The following DEK variants were observed in gnomAD, a reference collection of about 807,000 sequenced individuals.
DEK encodes protein DEK.
A neutral mutation model predicts 46.8 loss-of-function variants in DEK; 28 were observed. The observed-to-expected ratio is 0.60, with a 90% CI of 0.44 to 0.82. DEK has a LOEUF of 0.82. Ranked by LOEUF, DEK falls within the 40% of genes least tolerant of loss-of-function variation. DEK has a pLI of 0.00. For missense variants in DEK, 416 were observed against 430.6 expected, an observed-to-expected ratio of 0.97 and a Z score of 0.30; for synonymous variants, 160 against 144.5, an observed-to-expected ratio of 1.11 and a Z score of -0.77.
rs1288733846 is a variant in DEK, at chr6:18,259,422, A to AT, written c.146-1018_146-1017insA. Among the ~76,000 whole-genome samples, 137 of 140,184 alleles carry AT rather than the reference A, an allele frequency of 9.8e-4. 1 individual carries two copies. The highest frequency in any genetic ancestry group is 2.5e-3 in the South Asian group (11 of 4,432). The allele number at this position is 140,184 out of a possible 152,430, so 92.0% of individuals were successfully genotyped here. On this transcript the variant is annotated intron_variant, in intron 2 of 10. Transcript: ENST00000652689. The stretch of plus-strand genomic sequence containing the variant: ...AAAAAAAAAAAAAAAAAAAAAAAAA[A>AT]AAAAAAAAAAATCTAGAAAACAGGT...
chr6:18,234,454 C>G (rs890814802), intron 9 of DEK, among the ~76,000 whole-genome samples: 2 of 152,162 alleles, frequency 1.3e-5, no homozygotes, highest in Non-Finnish European at 2.9e-5. Flanking sequence ...CTACAGATTG[C>G]TGTGGGAAAA....
rs1790056456 is a variant in DEK at position 18,225,188 on chromosome 6, C to T, written c.*531G>A. The T allele has an allele frequency of 4.4e-6, 1 of 225,710 alleles. No individual in the cohort carries two copies. The highest frequency in any genetic ancestry group is 8.8e-6 in the Non-Finnish European group (1 of 113,394). 14.0% of individuals were successfully genotyped at this position (225,710 alleles called of 1,614,324 possible). A position where few individuals can be genotyped will look rare whatever the true frequency, so the allele number is the denominator to read the frequency against. ...TCATGCTGACAATTTGACATATATA[C>T]ACATGCAGGAGAAAAGTTCCAATTC... On this transcript the variant is annotated 3_prime_UTR_variant, in exon 11 of 11. Transcript: ENST00000652689.
chr6:18,247,717 G>T (rs1791185970), intron 7 of DEK, among the ~76,000 whole-genome samples: 1 of 151,992 alleles, frequency 6.6e-6, no homozygotes, highest in African/African-American at 2.4e-5. Context: ...CGTTGCTCAG[G>T]CTGGAGAACA....
chr6:18,248,979 A>G (rs1285611437), intron 7 of DEK, among the ~76,000 whole-genome samples: 4 of 150,200 alleles, frequency 2.7e-5, no homozygotes, highest in Non-Finnish European at 5.9e-5. Flanking sequence ...CCAAAACATC[A>G]TTAACAATAA....
At chr6:18,255,146 C>G (rs751674610) in intron 6 of DEK, among the ~76,000 whole-genome samples, 1 of 152,190 alleles carries the variant, frequency 6.6e-6, no homozygotes, top group Non-Finnish European at 1.5e-5. Context: ...CTATGTCATT[C>G]GTTACCATTA....
intron 1 of DEK, 90 bp from the exon 2 acceptor site, chr6:18,264,086 C>T (rs1433485418): frequency 4.9e-6 from 6 of 1,215,740 alleles, no homozygotes; most frequent in Non-Finnish European, 6.6e-6. Flanking sequence ...ACCCTTCCCG[C>T]GGGACACCTG....
intron 7 of DEK, among the ~76,000 whole-genome samples, chr6:18,241,655 C>T (rs1203953010): frequency 6.6e-6 from 1 of 152,170 alleles, no homozygotes; most frequent in Non-Finnish European, 1.5e-5. Context: ...ATGAAAAGCA[C>T]ATTTATGGAC....
chr6:18,260,837 C>CA (rs1488318986), intron 2 of DEK, among the ~76,000 whole-genome samples: 2 of 151,538 alleles, frequency 1.3e-5, no homozygotes, highest in East Asian at 1.9e-4. Flanking sequence ...CCTGCCTCTA[C>CA]AAAAAATACA....
intron 2 of DEK, among the ~76,000 whole-genome samples, chr6:18,259,394 C>CAAAAAAAAAAAAAAAAAAAAAAAAAA (rs56704006): frequency 4.8e-5 from 2 of 41,480 alleles, no homozygotes; most frequent in Admixed American, 3.4e-4. Context: ...GACTCCGTCT[C>CAAAAAAAAAAAAAAAAAAAAAAAAAA]AAAAAAAAAA....
At chr6:18,242,022 T>C (rs1193052212) in intron 7 of DEK, among the ~76,000 whole-genome samples, 2 of 152,238 alleles carry the variant, frequency 1.3e-5, no homozygotes, top group Non-Finnish European at 2.9e-5. Flanking sequence ...TTAAAGCTAT[T>C]GCTTAAAATC....
Position 18,225,737 on chromosome 6 carries a change from T to G in DEK, c.1117-7A>C. ...CTCTATCTCAAGAAATTAGCTGTAA[T>G]GAAAGAGAAACATTATTTTGCCATA... is the stretch of plus-strand genomic sequence containing the variant. On this transcript the variant is annotated splice_polypyrimidine_tract_variant and splice_region_variant and intron_variant, in intron 10 of 10. Transcript: ENST00000652689. The G allele has an allele frequency of 6.2e-7, 1 of 1,613,336 alleles. No individual in the cohort carries two copies. The highest frequency in any genetic ancestry group is 8.5e-7 in the Non-Finnish European group (1 of 1,179,632).
chr6:18,250,448 A>AT (rs1204362695), intron 6 of DEK, among the ~76,000 whole-genome samples: 2 of 152,198 alleles, frequency 1.3e-5, no homozygotes, highest in Admixed American at 1.3e-4. Flanking sequence ...CAGCCTGGGC[A>AT]ACAGTGTGAG....
intron 7 of DEK, among the ~76,000 whole-genome samples, chr6:18,245,978 G>A (rs914870706): frequency 6.6e-5 from 10 of 152,246 alleles, no homozygotes; most frequent in African/African-American, 2.2e-4. Context: ...TTGCTGCCGC[G>A]TAAGATGGGT....
intron 7 of DEK, among the ~76,000 whole-genome samples, chr6:18,241,692 G>T (rs537416489): frequency 6.6e-6 from 1 of 152,262 alleles, no homozygotes; most frequent in Admixed American, 6.5e-5. Flanking sequence ...ACTTTTCTTT[G>T]AAGTGCCAGA....
At position 18,236,368 on chromosome 6, in the gene DEK, C is replaced by G. The variant is rs145691250; in HGVS notation, c.1047+84G>C. 4.9e-4 allele frequency: 710 copies of G among 1,435,608 alleles called. 10 individuals are homozygous for G. In the South Asian group the frequency reaches 8.4e-3, roughly 17 times the overall value. 88.9% of individuals were successfully genotyped at this position (1,435,608 alleles called of 1,614,324 possible). A position where few individuals can be genotyped will look rare whatever the true frequency, so the allele number is the denominator to read the frequency against. ...AATCTTTCTTCAATAAGTGAATGCA[C>G]GTAAGTATTTAGCTTCAAATTCAGA... On this transcript the variant is annotated intron_variant, in intron 9 of 10. Transcript: ENST00000652689.
intron 4 of DEK, among the ~76,000 whole-genome samples, chr6:18,257,182 CTTTGTATGAGA>C (rs758714673): frequency 2.4e-4 from 37 of 152,246 alleles, no homozygotes; most frequent in Non-Finnish European, 4.4e-4. Context: ...ACCAAATTCA[CTTTGTATGAGA>C]TTTGTATGAG....
chr6:18,256,273 C>T, intron 5 of DEK, 88 bp downstream of exon 5: 1 of 1,158,400 alleles, frequency 8.6e-7, no homozygotes, highest in Non-Finnish European at 1.2e-6. Flanking sequence ...AGGTGTGAGC[C>T]ACTGTGCCTG....
At chr6:18,263,594 C>T (rs1053205956) in intron 2 of DEK, among the ~76,000 whole-genome samples, 2 of 152,108 alleles carry the variant, frequency 1.3e-5, no homozygotes, top group South Asian at 2.1e-4. Context: ...TTAGAGCGGA[C>T]GAGAAGTCGG....
intron 9 of DEK, among the ~76,000 whole-genome samples, chr6:18,226,741 C>A (rs908768236): frequency 1.3e-5 from 2 of 152,278 alleles, no homozygotes; most frequent in East Asian, 3.9e-4. Flanking sequence ...GTTGGTGGCA[C>A]TGCATTCCAG....
Sources: gnomAD v4.1 joint callset for allele counts (sites outside exome capture counted in the v4.1 genomes callset) on GRCh38, gnomAD v4.1.1 for gene constraint, MANE v1.5 for transcripts, NCBI Gene and HGNC (gene_info 2026-07-23, HGNC 2026-07-21) for gene names.